The following CFAP70 variants were observed in gnomAD, a reference collection of about 807,000 sequenced individuals.
CFAP70 encodes cilia and flagella associated protein 70, also known as cilia- and flagella-associated protein 70.
In CFAP70, 81 loss-of-function variants were observed where a neutral mutation model predicts 137.6. That is an observed-to-expected ratio of 0.59 (90% CI 0.49 to 0.71). The LOEUF is 0.71. Ranked by LOEUF, CFAP70 falls within the 30% of genes least tolerant of loss-of-function variation. CFAP70 has a pLI of 0.00. For missense variants in CFAP70, 976 were observed against 1,226.7 expected (o/e 0.80, Z 3.05); for synonymous variants, 382 against 423.6 (o/e 0.90, Z 1.20).
intron 24 of CFAP70, among the ~76,000 whole-genome samples, chr10:73,270,489 C>T: frequency 2.7e-5 from 1 of 36,926 alleles, no homozygotes; most frequent in Non-Finnish European, 5.6e-5. Context: ...TTTTCCTTTT[C>T]TTTTCCTTCC....
chr10:73,351,085 ATATATATATATATATATATATATATATG>A (rs1564890063), intron 3 of CFAP70, among the ~76,000 whole-genome samples: 57 of 92,214 alleles, frequency 6.2e-4, no homozygotes, highest in Middle Eastern at 0.011. Flanking sequence ...ATATATATAT[ATATATATATATATATATATATATATATG>A]TATGTTTTGT....
chr10:73,266,423 C>T (rs533180627), intron 25 of CFAP70, among the ~76,000 whole-genome samples: 2 of 152,116 alleles, frequency 1.3e-5, no homozygotes, highest in South Asian at 4.1e-4. Context: ...TTCTTGGGTT[C>T]CTACCTAATC....
chr10:73,309,512 G>C (rs2049712053), intron 12 of CFAP70, among the ~76,000 whole-genome samples: 1 of 152,102 alleles, frequency 6.6e-6, no homozygotes, highest in African/African-American at 2.4e-5. Context: ...TCACTATGTT[G>C]CCCAAGCTGG....
Position 73,311,927 on chromosome 10 carries a change from G to A in CFAP70, c.1084-13C>T. ...TACTAGGTGCCTGCTGAAAGAAAAT[G>A]AACACACCTCAAAAATTGAATTCCT... On this transcript the variant is annotated splice_polypyrimidine_tract_variant and intron_variant, in intron 10 of 26. Coordinates refer to ENST00000310715, the Ensembl canonical transcript of CFAP70. 1 of 1,603,578 alleles carries A rather than the reference G, an allele frequency of 6.2e-7. No homozygotes were observed. Among genetic ancestry groups the A allele is most frequent in the South Asian group, 1.1e-5 (1 of 90,852 alleles).
chr10:73,272,700 A>T, intron 24 of CFAP70: 1 of 609,944 alleles, frequency 1.6e-6, no homozygotes, highest in Admixed American at 2.6e-5. Flanking sequence ...TTTATTATGT[A>T]GCTTCTTGGT....
intron 23 of CFAP70, among the ~76,000 whole-genome samples, chr10:73,274,021 C>T (rs905254111): frequency 8.5e-5 from 13 of 152,124 alleles, no homozygotes; most frequent in East Asian, 3.8e-4. Flanking sequence ...CAGGTCAGAG[C>T]GCCCTATGGA....
At chr10:73,338,350 T>G (rs1172033667) in intron 6 of CFAP70, among the ~76,000 whole-genome samples, 2 of 151,828 alleles carry the variant, frequency 1.3e-5, no homozygotes, top group Non-Finnish European at 1.5e-5. Flanking sequence ...GGTCTCAAAC[T>G]CCTGGTCTCA....
At chr10:73,261,716 G>A (rs1398806203) in intron 25 of CFAP70, among the ~76,000 whole-genome samples, 3 of 151,886 alleles carry the variant, frequency 2.0e-5, no homozygotes, top group Non-Finnish European at 4.4e-5. Flanking sequence ...CATGCTGTCC[G>A]AGCTGGTCTC....
At chr10:73,315,038 A>G (rs2132126341) in intron 9 of CFAP70, among the ~76,000 whole-genome samples, 1 of 152,026 alleles carries the variant, frequency 6.6e-6, no homozygotes, top group African/African-American at 2.4e-5. Flanking sequence ...ACACAGTGAG[A>G]CTGTCTCTAC....
chr10:73,303,023 G>C (rs770719876), intron 12 of CFAP70, among the ~76,000 whole-genome samples: 3 of 150,660 alleles, frequency 2.0e-5, no homozygotes, highest in African/African-American at 7.3e-5. Flanking sequence ...CCCACCACCG[G>C]GTAGCTCGGA....
chr10:73,295,926 G>A (rs181109074), intron 15 of CFAP70: 19 of 152,276 alleles, frequency 1.2e-4, no homozygotes, highest in African/African-American at 3.1e-4. Context: ...GTTCAAAAGC[G>A]AATTCAGTAC....
intron 15 of CFAP70, 59 bp downstream of exon 16, chr10:73,296,983 C>G: frequency 6.4e-7 from 1 of 1,564,966 alleles, no homozygotes; most frequent in South Asian, 1.2e-5. Flanking sequence ...AGGAATTATT[C>G]ATAGAAGACT....
At chr10:73,293,264 T>A (rs1160588365) in exon 16 of CFAP70, 1 of 1,604,396 alleles carries the variant, frequency 6.2e-7, no homozygotes, top group East Asian at 2.2e-5. Context: ...TTTAATTACC[T>A]CTTTATAATA....
intron 5 of CFAP70, among the ~76,000 whole-genome samples, chr10:73,342,548 AATAG>A (rs112976377): frequency 2.8e-3 from 429 of 152,196 alleles, no homozygotes; most frequent in African/African-American, 8.8e-3. Flanking sequence ...GTCTCTTATT[AATAG>A]ATAGATAGAT....
intron 19 of CFAP70, among the ~76,000 whole-genome samples, chr10:73,284,218 A>G (rs1258777777): frequency 1.3e-5 from 2 of 152,134 alleles, no homozygotes; most frequent in African/African-American, 2.4e-5. Flanking sequence ...CTTTCCTCCA[A>G]CTTCAAAGCC....
intron 1 of CFAP70, among the ~76,000 whole-genome samples, chr10:73,356,316 A>G (rs931465406): frequency 2.6e-5 from 4 of 151,234 alleles, no homozygotes; most frequent in African/African-American, 9.7e-5. Context: ...GTCCCACCTC[A>G]GCCTCCTGAG....
At chr10:73,357,157 T>C (rs545950629) in intron 1 of CFAP70, among the ~76,000 whole-genome samples, 5 of 152,226 alleles carry the variant, frequency 3.3e-5, no homozygotes, top group African/African-American at 4.8e-5. Flanking sequence ...GGAAATTAAC[T>C]GATTATAGCC....
chr10:73,324,439 C>T (rs1380253540), intron 8 of CFAP70, among the ~76,000 whole-genome samples: 1 of 152,188 alleles, frequency 6.6e-6, no homozygotes, highest in African/African-American at 2.4e-5. Flanking sequence ...CTCTCCTACT[C>T]CAAAGGAACG....
chr10:73,273,855 T>A (rs1265673180), intron 23 of CFAP70, among the ~76,000 whole-genome samples: 1 of 152,174 alleles, frequency 6.6e-6, no homozygotes, highest in Non-Finnish European at 1.5e-5. Context: ...TGGCAGAATG[T>A]TGATAATTGT....
Sources: gnomAD v4.1 joint callset for allele counts (sites outside exome capture counted in the v4.1 genomes callset) on GRCh38, gnomAD v4.1.1 for gene constraint, MANE v1.5 for transcripts, NCBI Gene and HGNC (gene_info 2026-07-23, HGNC 2026-07-21) for gene names.